The following LRRIQ3 variants were observed in gnomAD, a reference collection of about 807,000 sequenced individuals.
LRRIQ3 encodes leucine-rich repeat and IQ domain-containing protein 3.
In LRRIQ3, 75 loss-of-function variants were observed where a neutral mutation model predicts 59.3. The observed-to-expected ratio is 1.26, with a 90% CI of 1.05 to 1.53. The LOEUF (loss-of-function observed/expected upper bound fraction) is 1.53, where lower values mean the gene tolerates loss of function less well. Among genes scored for constraint, LRRIQ3 ranks in the 40% most tolerant of loss-of-function variants. The pLI, the probability that LRRIQ3 is intolerant of heterozygous loss-of-function variation, is 0.00. For synonymous variants in LRRIQ3, 250 were observed against 231.3 expected (o/e 1.08, Z -0.73); for missense variants, 831 against 710.0 (o/e 1.17, Z -1.94).
intron 7 of LRRIQ3, among the ~76,000 whole-genome samples, chr1:74,033,914 A>G (rs1653792716): frequency 6.6e-6 from 1 of 151,952 alleles, no homozygotes; most frequent in Admixed American, 6.6e-5. Context: ...CAGTATCATC[A>G]CTTTCTCAGA....
intron 3 of LRRIQ3, among the ~76,000 whole-genome samples, chr1:74,168,218 CCTAT>C (rs1649112129): frequency 6.6e-6 from 1 of 151,548 alleles, no homozygotes; most frequent in Non-Finnish European, 1.5e-5. Flanking sequence ...TGTAGATTTG[CCTAT>C]CTCTCATTTC....
intron 5 of LRRIQ3, among the ~76,000 whole-genome samples, chr1:74,108,495 T>A (rs942917516): frequency 1.5e-4 from 23 of 151,740 alleles, no homozygotes. Flanking sequence ...CTATGCTATA[T>A]CTGGAACACA....
At chr1:74,054,551 A>T (rs1259278205) in intron 6 of LRRIQ3, among the ~76,000 whole-genome samples, 1 of 151,992 alleles carries the variant, frequency 6.6e-6, no homozygotes, top group African/African-American at 2.4e-5. Context: ...ATAATGTGTT[A>T]GTTTAAGTTC....
At chr1:74,063,075 A>AAAAC (rs985948508) in intron 6 of LRRIQ3, among the ~76,000 whole-genome samples, 35 of 150,264 alleles carry the variant, frequency 2.3e-4, no homozygotes, top group African/African-American at 6.9e-4. Flanking sequence ...AAAACAAAAC[A>AAAAC]AAAAAAATCA....
At chr1:74,050,948 T>C (rs1054498786) in intron 6 of LRRIQ3, among the ~76,000 whole-genome samples, 3 of 152,168 alleles carry the variant, frequency 2.0e-5, no homozygotes, top group South Asian at 2.1e-4. Flanking sequence ...AAATGACTTA[T>C]CTAAGATATG....
chr1:74,141,678 A>T (rs188820142), intron 4 of LRRIQ3, among the ~76,000 whole-genome samples: 1 of 151,868 alleles, frequency 6.6e-6, no homozygotes, highest in Admixed American at 6.6e-5. Flanking sequence ...TTGATAAAAA[A>T]TGTTCTGATT....
At chr1:74,055,009 A>C (rs1290030755) in intron 6 of LRRIQ3, among the ~76,000 whole-genome samples, 1 of 147,644 alleles carries the variant, frequency 6.8e-6, no homozygotes, top group Non-Finnish European at 1.5e-5. Flanking sequence ...TATATTTTAA[A>C]TAATATGTAA....
rs774086216 is a variant in LRRIQ3 at position 74,041,858 on chromosome 1, A to G, written c.1073T>C (p.Ile358Thr). The G allele has an allele frequency of 6.8e-6, 11 of 1,611,688 alleles. No individual in the cohort carries two copies. The highest frequency in any genetic ancestry group is 9.3e-6 in the Non-Finnish European group (11 of 1,179,208). Reference sequence around the variant, plus strand: ...ATTCTTCAATGAACCTGAAGTGTATATGGGTAGTTTGAAAACTGATATCCT... The same window carrying G: ...ATTCTTCAATGAACCTGAAGTGTATGTGGGTAGTTTGAAAACTGATATCCT... ...SFRISVFKLP[I>T]YTSGSLKNNA... is the part of the protein sequence containing the mutation. The change falls in exon 7 of 8, where the codon ATA (isoleucine) becomes ACA (threonine). Residue 358 changes from isoleucine (I) to threonine (T), a missense_variant. Transcript: ENST00000354431.
At position 74,041,323 on chromosome 1, in the gene LRRIQ3, G is replaced by A. The variant is rs1312345584; in HGVS notation, c.1608C>T (p.Asp536=). The A allele has an allele frequency of 1.2e-6, 2 of 1,613,620 alleles. No homozygotes were observed. The highest frequency in any genetic ancestry group is 2.7e-5 in the African/African-American group (2 of 74,870). ...TLLTRGLLKI[D]RLEKNEAVLK... is the part of the protein sequence containing the mutation. ...GGACAGCCTCATTCTTCTCCAGTCT[G>A]TCAATTTTAAGTAGTCCTCTGGTCA... is the stretch of plus-strand genomic sequence containing the variant. Residue 536 remains aspartate, a synonymous_variant, in exon 7 of 8, where the codon GAC becomes GAT. Coordinates refer to ENST00000354431, the MANE Select transcript of LRRIQ3 (RefSeq NM_001105659.2).
At chr1:74,052,514 ATATCAGCTCTCAATT>A (rs11271814) in intron 6 of LRRIQ3, among the ~76,000 whole-genome samples, 19,593 of 152,108 alleles carry the variant, frequency 0.13, 1,712 homozygotes, top group African/African-American at 0.25. Context: ...TGTTCTTCTT[ATATCAGCTCTCAATT>A]TCATTTTTTG....
chr1:74,061,309 C>A (rs758502990), intron 6 of LRRIQ3, among the ~76,000 whole-genome samples: 8 of 152,122 alleles, frequency 5.3e-5, no homozygotes, highest in Non-Finnish European at 1.2e-4. Flanking sequence ...AAAAACATTC[C>A]ATGTTCATTG....
intron 5 of LRRIQ3, among the ~76,000 whole-genome samples, chr1:74,091,614 G>T (rs964949115): frequency 6.6e-6 from 1 of 151,912 alleles, no homozygotes; most frequent in Admixed American, 6.6e-5. Context: ...GAAATTCAAA[G>T]AAGAGAAAAA....
chr1:74,103,318 C>T (rs941328810), intron 5 of LRRIQ3, among the ~76,000 whole-genome samples: 2 of 151,922 alleles, frequency 1.3e-5, no homozygotes, highest in South Asian at 2.1e-4. Context: ...TTATGCTTTA[C>T]TACAGTGCCT....
chr1:74,147,765 C>T lies in LRRIQ3; in HGVS notation c.707+7968G>A, dbSNP rs532448522. Among the ~76,000 whole-genome samples the T allele has an allele frequency of 3.2e-4, 49 of 152,240 alleles. No homozygotes were observed. In the South Asian group the frequency reaches 9.1e-3, roughly 28 times the overall value. The stretch of plus-strand genomic sequence containing the variant: ...GTTTAACTATAACATGCCATTGAGA[C>T]GACCTTTTGGGGTTGAATCTTTTTG... On this transcript the variant is annotated intron_variant, in intron 4 of 7. Transcript: ENST00000354431.
At chr1:74,157,396 T>C (rs904280034) in intron 3 of LRRIQ3, among the ~76,000 whole-genome samples, 3 of 152,106 alleles carry the variant, frequency 2.0e-5, no homozygotes, top group South Asian at 4.1e-4. Context: ...ATCTGTTTTC[T>C]AAGGCTCTCC....
intron 6 of LRRIQ3, among the ~76,000 whole-genome samples, chr1:74,064,918 T>C (rs749438275): frequency 1.1e-4 from 17 of 152,118 alleles, no homozygotes; most frequent in Non-Finnish European, 2.4e-4. Flanking sequence ...AATATTTTTG[T>C]ATTTATCTTA....
intron 4 of LRRIQ3, among the ~76,000 whole-genome samples, chr1:74,117,020 A>G (rs934471346): frequency 2.6e-5 from 4 of 152,126 alleles, no homozygotes; most frequent in African/African-American, 9.6e-5. Context: ...TCTACTGTAA[A>G]ACAAAGAAAG....
chr1:74,143,453 A>C (rs181584873), intron 4 of LRRIQ3, among the ~76,000 whole-genome samples: 13 of 152,072 alleles, frequency 8.5e-5, no homozygotes. Flanking sequence ...AACAATCCCT[A>C]CCATATGCAA....
intron 4 of LRRIQ3, among the ~76,000 whole-genome samples, chr1:74,150,396 CT>C (rs1434324038): frequency 5.3e-5 from 8 of 152,002 alleles, no homozygotes; most frequent in Admixed American, 3.3e-4. Context: ...ATTATTTCTT[CT>C]TTTTTTAATT....
Sources: allele counts gnomAD v4.1 joint callset (sites outside exome capture counted in the v4.1 genomes callset), GRCh38; gene constraint gnomAD v4.1.1; transcripts MANE v1.5; gene names NCBI Gene and HGNC (gene_info 2026-07-23, HGNC 2026-07-21).